SEH1L: variants seen among roughly 807,000 people sequenced by gnomAD.
SEH1L encodes SEH1 like nucleoporin.
A neutral mutation model predicts 49.5 loss-of-function variants in SEH1L; 18 were observed. The observed-to-expected ratio is 0.36, with a 90% CI of 0.25 to 0.54. SEH1L has a LOEUF of 0.54. Ranked by LOEUF, SEH1L falls within the 20% of genes least tolerant of loss-of-function variation. The pLI is 0.87. For synonymous variants in SEH1L, 169 were observed against 178.1 expected, an observed-to-expected ratio of 0.95 and a Z score of 0.41; for missense variants, 404 against 528.8, an observed-to-expected ratio of 0.76 and a Z score of 2.31.
intron 1 of SEH1L, among the ~76,000 whole-genome samples, 166 bp from the exon 2 acceptor site, chr18:12,951,689 C>A (rs1170329853): frequency 1.3e-5 from 2 of 152,222 alleles, no homozygotes; most frequent in Non-Finnish European, 2.9e-5. Flanking sequence ...TCGCACCCAG[C>A]CTCTCAATAA....
rs969036053 is a variant in SEH1L at position 12,984,155 on chromosome 18, T to A, written c.1035T>A (p.Ser345Arg). Residue 345 changes from serine to arginine, a missense_variant, in exon 8 of 9, where the codon AGT becomes AGA. Ser to Arg is a moderately radical substitution (Grantham distance 110, BLOSUM62 -1). Around this residue, in one of 3 missense-constraint regions of SEH1L, gnomAD observed 342 missense variants for 430.8 expected, o/e 0.79. Coordinates refer to ENST00000399892, the MANE Select transcript of SEH1L (RefSeq NM_001013437.2). Reference sequence around the variant, plus strand: ...CTTCCCTAGGTTCAACTATTCCAAGTCTTCAGAATTCATTAAATGGATCTT... The same window carrying A: ...CTTCCCTAGGTTCAACTATTCCAAGACTTCAGAATTCATTAAATGGATCTT... ...SNPSLGSTIP[S>R]LQNSLNGSSA... 6.2e-7 allele frequency: 1 copy of A among 1,613,960 alleles called. No homozygotes were observed. The highest frequency in any genetic ancestry group is 1.3e-5 in the African/African-American group (1 of 75,064).
Position 12,963,262 on chromosome 18 carries a change from A to G in SEH1L, c.412A>G (p.Ile138Val), listed in dbSNP as rs2031280898. ...GTTAGCAACCTGTTCCGCAGATGGT[A>G]TAGTAAGAATCTATGAGGCACCAGA... ...LMLATCSADG[I>V]VRIYEAPDVM... Residue 138 changes from isoleucine to valine, a missense_variant, in exon 4 of 9, where the codon ATA becomes GTA. Physicochemically the swap from Ile to Val is conservative, Grantham distance 29. This residue lies in a region of SEH1L where 342 missense variants were observed against 430.8 expected (regional missense o/e 0.79). Coordinates refer to ENST00000399892, the MANE Select transcript of SEH1L (RefSeq NM_001013437.2). The G allele has an allele frequency of 2.5e-6, 4 of 1,614,104 alleles. No individual in the cohort carries two copies. The highest frequency in any genetic ancestry group is 3.4e-6 in the Non-Finnish European group (4 of 1,179,970).
rs2032481940 is a variant in SEH1L at position 12,986,859 on chromosome 18, C to T, written c.1071-3C>T. ...TGTTTTGTTCCTGTCTTCATTGTTT[C>T]AGGTATTTCTTTACCCCTCTGGATT... On this transcript the variant is annotated splice_region_variant and splice_polypyrimidine_tract_variant and intron_variant, in intron 8 of 8. Transcript: ENST00000399892. 2.8e-6 allele frequency: 4 copies of T among 1,441,336 alleles called. No homozygotes were observed. Among genetic ancestry groups the T allele is most frequent in the South Asian group, 1.5e-5 (1 of 64,630 alleles). 89.3% of individuals were successfully genotyped at this position (1,441,336 alleles called of 1,614,324 possible).
chr18:12,976,472 GTTCCTC>G (rs1232400065), intron 5 of SEH1L: 3 of 152,308 alleles, frequency 2.0e-5, no homozygotes, highest in East Asian at 3.9e-4. Context: ...CAGTACGGGT[GTTCCTC>G]CCACTTTACG....
At chr18:12,972,611 C>T (rs1042527809) in intron 5 of SEH1L, 1 of 152,116 alleles carries the variant, frequency 6.6e-6, no homozygotes, top group African/African-American at 2.4e-5. Flanking sequence ...AGTGTTACTC[C>T]CGTGGGCTCT....
At chr18:12,962,862 T>G (rs1319041487) in intron 3 of SEH1L, among the ~76,000 whole-genome samples, 4 of 152,006 alleles carry the variant, frequency 2.6e-5, no homozygotes, top group African/African-American at 9.7e-5. Flanking sequence ...TTTTTTTTTG[T>G]GATCAGTTTG....
At chr18:12,985,198 G>C in intron 8 of SEH1L, 1 of 1,589,672 alleles carries the variant, frequency 6.3e-7, no homozygotes, top group Non-Finnish European at 8.6e-7. Flanking sequence ...TTAGATCTGT[G>C]ATGCATTTTC....
In SEH1L at chr18:12,987,095, T is replaced by TTGTA; in HGVS notation, c.*39_*42dup. 1.5e-6 allele frequency: 2 copies of TTGTA among 1,365,404 alleles called. No homozygotes were observed. The highest frequency in any genetic ancestry group is 1.4e-5 in the South Asian group (1 of 73,106). The allele number at this position is 1,365,404 out of a possible 1,614,324, so 84.6% of individuals were successfully genotyped here. ...ACATTGAAAGGCCTTATTCAAGTGC[T>TTGTA]TGTAAATGCTTTCATTTCTGGCTGC... On this transcript the variant is annotated 3_prime_UTR_variant, in exon 9 of 9. Coordinates refer to ENST00000399892, the MANE Select transcript of SEH1L (RefSeq NM_001013437.2).
chr18:12,987,120 CT>C lies in SEH1L; in HGVS notation c.*68del. 1.6e-6 allele frequency: 2 copies of C among 1,239,310 alleles called. No individual in the cohort carries two copies. Among genetic ancestry groups the C allele is most frequent in the Non-Finnish European group, 2.2e-6 (2 of 895,790 alleles). 76.8% of individuals were successfully genotyped at this position (1,239,310 alleles called of 1,614,324 possible). On this transcript the variant is annotated 3_prime_UTR_variant, in exon 9 of 9. Transcript: ENST00000399892. ...TTGTAAATGCTTTCATTTCTGGCTG[CT>C]TTTTGTTTTTCATTTTCTTTCAGAA...
Position 12,948,068 on chromosome 18 carries a change from G to A in SEH1L, c.-54G>A, listed in dbSNP as rs1050026824. 5.6e-6 allele frequency: 8 copies of A among 1,423,284 alleles called. No homozygotes were observed. Among genetic ancestry groups the A allele is most frequent in the Admixed American group, 3.6e-5 (2 of 55,416 alleles). The allele number at this position is 1,423,284 out of a possible 1,614,324, so 88.2% of individuals were successfully genotyped here. A position where few individuals can be genotyped will look rare whatever the true frequency, so the allele number is the denominator to read the frequency against. ...CTGGCTAGGCTACGGGCCACGCGCC[G>A]CCGCCGCTGCCGCCGCCACTGTCCT... On this transcript the variant is annotated 5_prime_UTR_variant, in exon 1 of 9. Coordinates refer to ENST00000399892, the MANE Select transcript of SEH1L (RefSeq NM_001013437.2).
chr18:12,949,553 C>T (rs192691268), intron 1 of SEH1L, among the ~76,000 whole-genome samples: 2,369 of 142,004 alleles, frequency 0.017, 65 homozygotes, highest in East Asian at 0.098. Context: ...CCCGGGTTCA[C>T]GCCATTCTCC....
At position 12,978,885 on chromosome 18, in the gene SEH1L, C is replaced by T. The variant is rs1318975453; in HGVS notation, c.754C>T (p.Pro252Ser). The T allele has an allele frequency of 6.2e-7, 1 of 1,613,618 alleles. No homozygotes were observed. The highest frequency in any genetic ancestry group is 8.5e-7 in the Non-Finnish European group (1 of 1,179,866). The change falls in exon 6 of 9, where the codon CCT (proline) becomes TCT (serine). Residue 252 changes from proline (P) to serine (S), a missense_variant. Coordinates refer to ENST00000399892, the MANE Select transcript of SEH1L (RefSeq NM_001013437.2). The part of the protein sequence containing the change: ...TKDVRIFTLK[P>S]VRKELTSSGG... ...AGATGTGAGAATTTTTACATTAAAGCCTGTGAGGTGAGTTTTAGAAGCATT... is the reference window on the plus strand; with the variant it reads ...AGATGTGAGAATTTTTACATTAAAGTCTGTGAGGTGAGTTTTAGAAGCATT...
In SEH1L at chr18:12,982,530, T is replaced by A. The variant is rs568534503; in HGVS notation, c.774T>A (p.Thr258=). Residue 258 remains threonine (T), a synonymous_variant, in exon 7 of 9, where the codon ACT becomes ACA. Transcript: ENST00000399892. ...FTLKPVRKEL[T]SSGGPTKFEI... The stretch of plus-strand genomic sequence containing the variant: ...TTTTTATTAACAGGAAAGAACTGAC[T>A]TCCTCTGGTGGGCCAACAAAGTTTG... 6.2e-7 allele frequency: 1 copy of A among 1,609,780 alleles called. No individual in the cohort carries two copies. Among genetic ancestry groups the A allele is most frequent in the East Asian group, 2.2e-5 (1 of 44,840 alleles).
chr18:12,972,520 A>T (rs1241756270), intron 5 of SEH1L: 2 of 152,230 alleles, frequency 1.3e-5, no homozygotes, highest in Non-Finnish European at 2.9e-5. Flanking sequence ...TCAGGTGATC[A>T]GATGGGCTTC....
chr18:12,980,941 G>A (rs1280974796), intron 6 of SEH1L, among the ~76,000 whole-genome samples: 13 of 148,752 alleles, frequency 8.7e-5, no homozygotes, highest in South Asian at 2.1e-4. Flanking sequence ...CCTCCCTCCC[G>A]GACGGGGTGG....
chr18:12,954,591 C>A (rs187848974), intron 2 of SEH1L, among the ~76,000 whole-genome samples: 28 of 152,116 alleles, frequency 1.8e-4, no homozygotes, highest in Middle Eastern at 3.4e-3. Flanking sequence ...CTCAGCCTCC[C>A]AAGCAGCTGG....
At chr18:12,957,830 C>T (rs1398896044) in intron 3 of SEH1L, among the ~76,000 whole-genome samples, 1 of 152,252 alleles carries the variant, frequency 6.6e-6, no homozygotes, top group South Asian at 2.1e-4. Flanking sequence ...GATCCTCCCA[C>T]CTTAGCCCCA....
chr18:12,980,328 G>A (rs1598977542), intron 6 of SEH1L, among the ~76,000 whole-genome samples: 2 of 125,852 alleles, frequency 1.6e-5, no homozygotes, highest in Middle Eastern at 5.2e-3. Context: ...CCGGGCAGAG[G>A]CGCCCCTCAC....
chr18:12,972,113 G>C (rs1220909075), intron 5 of SEH1L: 2 of 152,242 alleles, frequency 1.3e-5, no homozygotes, highest in African/African-American at 4.8e-5. Flanking sequence ...TTCACGGCTA[G>C]GATGCTATGA....
Sources: allele counts gnomAD v4.1 joint callset (sites outside exome capture counted in the v4.1 genomes callset), GRCh38; gene constraint gnomAD v4.1.1; regional missense constraint gnomAD v4.1.1; transcripts MANE v1.5; gene names NCBI Gene and HGNC (gene_info 2026-07-23, HGNC 2026-07-21).